The following ABCC9 variants were observed in gnomAD, a reference collection of about 807,000 sequenced individuals.
ABCC9 encodes ATP binding cassette subfamily C member 9.
In ABCC9, 95 loss-of-function variants were observed where a neutral mutation model predicts 188.3. The observed-to-expected ratio is 0.50, with a 90% CI of 0.43 to 0.60. The LOEUF (loss-of-function observed/expected upper bound fraction) is 0.60. Ranked by LOEUF, ABCC9 falls within the 20% of genes least tolerant of loss-of-function variation. ABCC9 has a pLI of 0.00. For synonymous variants in ABCC9, 659 were observed against 652.7 expected, an observed-to-expected ratio of 1.01 and a Z score of -0.15; for missense variants, 1,102 against 1,876.3, an observed-to-expected ratio of 0.59 and a Z score of 7.62.
chr12:21,823,511 G>C (rs1187052389), intron 31 of ABCC9, among the ~76,000 whole-genome samples: 1 of 152,100 alleles, frequency 6.6e-6, no homozygotes, highest in Admixed American at 6.5e-5. Context: ...AAGCAGTGTT[G>C]TCTCACAAAA....
At chr12:21,841,354 T>A (rs867779364) in intron 29 of ABCC9, among the ~76,000 whole-genome samples, 7 of 114,692 alleles carry the variant, frequency 6.1e-5, no homozygotes, top group African/African-American at 1.0e-4. Context: ...TTCCTTTTTT[T>A]TTTTTTTTTT....
At chr12:21,899,909 GA>G (rs1216117241) in intron 12 of ABCC9, among the ~76,000 whole-genome samples, 1 of 152,176 alleles carries the variant, frequency 6.6e-6, no homozygotes, top group Admixed American at 6.5e-5. Context: ...ACAAAAGGCA[GA>G]AAAAACCTCT....
At chr12:21,822,247 C>A (rs35878172) in intron 31 of ABCC9, among the ~76,000 whole-genome samples, 2 of 151,066 alleles carry the variant, frequency 1.3e-5, no homozygotes, top group Non-Finnish European at 2.9e-5. Flanking sequence ...GTCATTCAGG[C>A]TGTCTTTTAA....
intron 16 of ABCC9, among the ~76,000 whole-genome samples, chr12:21,876,104 C>A (rs1946332833): frequency 6.6e-6 from 1 of 151,854 alleles, no homozygotes; most frequent in African/African-American, 2.4e-5. Context: ...AAGACTCAAC[C>A]CAAGGTAGAA....
rs1273040303 is a variant in ABCC9 at position 21,824,375 on chromosome 12, T to C, written c.3669+4583A>G. On this transcript the variant is annotated intron_variant, in intron 31 of 39. Coordinates refer to ENST00000261200, the MANE Select transcript of ABCC9 (RefSeq NM_020297.4). ...CGTGGTGGATAAGCTTTTTGATGTGTTGCTGGATTCAGTTTGCCAGTATTT... is the reference window on the plus strand; with the variant it reads ...CGTGGTGGATAAGCTTTTTGATGTGCTGCTGGATTCAGTTTGCCAGTATTT... 2.6e-5 allele frequency among the ~76,000 whole-genome samples: 4 copies of C among 152,174 alleles called. No homozygotes were observed. The East Asian group carries it at 7.7e-4, about 29-fold the overall frequency.
chr12:21,934,004 A>T (rs71530933), intron 3 of ABCC9, 81 bp from the exon 4 acceptor site: 1 of 1,522,568 alleles, frequency 6.6e-7, no homozygotes, highest in South Asian at 1.1e-5. Context: ...AATTATGATA[A>T]GCTTTAAGGC....
chr12:21,902,963 C>T (rs1295512499), intron 12 of ABCC9, among the ~76,000 whole-genome samples: 2 of 152,132 alleles, frequency 1.3e-5, no homozygotes, highest in East Asian at 1.9e-4. Context: ...ATCCTGATAC[C>T]AAAGCCTGGC....
Position 21,862,313 on chromosome 12 carries a change from C to T in ABCC9, c.2339+640G>A, listed in dbSNP as rs1255192049. Among the ~76,000 whole-genome samples, 3 of 152,248 alleles carry T rather than the reference C, an allele frequency of 2.0e-5. No homozygotes were observed. The South Asian group carries it at 6.2e-4, about 32-fold the overall frequency. ...CCCCCAACTATCTGGTCTCAGCCTCCTGAATCTTTCTGTCTGGTTTGCTCC... is the reference window on the plus strand; with the variant it reads ...CCCCCAACTATCTGGTCTCAGCCTCTTGAATCTTTCTGTCTGGTTTGCTCC... On this transcript the variant is annotated intron_variant, in intron 20 of 39. Coordinates refer to ENST00000261200, the MANE Select transcript of ABCC9 (RefSeq NM_020297.4).
intron 30 of ABCC9, among the ~76,000 whole-genome samples, chr12:21,834,786 T>TATAC (rs113973392): frequency 0.08 from 11,381 of 141,504 alleles, 548 homozygotes; most frequent in Middle Eastern, 0.11. Flanking sequence ...TATAACATTA[T>TATAC]ACACACACAC....
chr12:21,841,686 T>A (rs542607797), intron 29 of ABCC9, among the ~76,000 whole-genome samples: 1 of 152,210 alleles, frequency 6.6e-6, no homozygotes, highest in South Asian at 2.1e-4. Context: ...TCTATCAATG[T>A]CATGTTCAGA....
intron 2 of ABCC9, 92 bp from the exon 3 acceptor site, chr12:21,936,786 T>C: frequency 1.1e-6 from 1 of 921,126 alleles, no homozygotes; most frequent in Non-Finnish European, 1.6e-6. Context: ...GGCTATATCA[T>C]AAAATTAATC....
intron 4 of ABCC9, among the ~76,000 whole-genome samples, chr12:21,927,274 T>C (rs1202704154): frequency 6.6e-6 from 1 of 152,172 alleles, no homozygotes; most frequent in Non-Finnish European, 1.5e-5. Flanking sequence ...ACTGAAACAC[T>C]TGAATAGGTA....
intron 27 of ABCC9, 80 bp from the exon 28 acceptor site, chr12:21,844,632 C>A: frequency 6.5e-7 from 1 of 1,550,300 alleles, no homozygotes; most frequent in South Asian, 1.1e-5. Context: ...ATCTTAGTGT[C>A]ATGAAAATGA....
intron 12 of ABCC9, among the ~76,000 whole-genome samples, chr12:21,898,352 G>C (rs1947529188): frequency 6.6e-6 from 1 of 152,078 alleles, no homozygotes; most frequent in South Asian, 2.1e-4. Flanking sequence ...GTCCCCTGAA[G>C]AGAAGGATGT....
At position 21,915,472 on chromosome 12, in the gene ABCC9, GTA is replaced by G. The variant is rs375465648; in HGVS notation, c.816+194_816+195del. ...TGTATATATGTGTGTATATGTGTGT[GTA>G]TATATGTGTGTGTGTGTGTGTGTGT... On this transcript the variant is annotated intron_variant, in intron 7 of 39. Transcript: ENST00000261200. Among the ~76,000 whole-genome samples the G allele has an allele frequency of 0.42, 6,161 of 14,656 alleles. 2,095 individuals are homozygous for G. Among genetic ancestry groups the G allele is most frequent in the Middle Eastern group, 0.8 (8 of 10 alleles). The allele number at this position is 14,656 out of a possible 152,430, so 9.6% of individuals were successfully genotyped here.
intron 22 of ABCC9, among the ~76,000 whole-genome samples, chr12:21,856,339 C>T (rs1201144989): frequency 6.6e-6 from 1 of 151,878 alleles, no homozygotes; most frequent in Admixed American, 6.6e-5. Flanking sequence ...TGTTTACAAG[C>T]TTATGTTATT....
rs916722535 is a variant in ABCC9, at chr12:21,878,847, T to G, written c.2020-3121A>C. Among the ~76,000 whole-genome samples the G allele has an allele frequency of 3.3e-5, 5 of 152,192 alleles. No homozygotes were observed. In the East Asian group the frequency reaches 9.6e-4, roughly 29 times the overall value. The stretch of plus-strand genomic sequence containing the variant: ...GAAGGCTAAAGTTAATTTCTCCTGC[T>G]GCCATTTACACTTCCATTCCCTCCT... On this transcript the variant is annotated intron_variant, in intron 16 of 39. Coordinates refer to ENST00000261200, the MANE Select transcript of ABCC9 (RefSeq NM_020297.4).
chr12:21,840,982 A>G (rs749865964), intron 29 of ABCC9, among the ~76,000 whole-genome samples: 13 of 152,182 alleles, frequency 8.5e-5, no homozygotes, highest in Non-Finnish European at 1.6e-4. Context: ...TAAACTCAAT[A>G]CCTACCTTCT....
intron 16 of ABCC9, among the ~76,000 whole-genome samples, chr12:21,880,689 A>T (rs540612149): frequency 6.6e-6 from 1 of 152,290 alleles, no homozygotes; most frequent in African/African-American, 2.4e-5. Flanking sequence ...CTCTCCCAGC[A>T]CACAACACGT....
Sources: gnomAD v4.1 joint callset for allele counts (sites outside exome capture counted in the v4.1 genomes callset) on GRCh38, gnomAD v4.1.1 for gene constraint, MANE v1.5 for transcripts, NCBI Gene and HGNC (gene_info 2026-07-23, HGNC 2026-07-21) for gene names.